TRPV1: variants seen among roughly 807,000 people sequenced by gnomAD.
TRPV1 encodes the protein transient receptor potential cation channel subfamily V member 1, also known as OTRPC1.
In TRPV1, 82 loss-of-function variants were observed where a neutral mutation model predicts 82.3. That is an observed-to-expected ratio of 1.00 (90% CI 0.83 to 1.20). The LOEUF is 1.20. TRPV1 is among the 50% of genes most tolerant of loss of function. TRPV1 has a pLI of 0.00. For synonymous variants in TRPV1, 515 were observed against 467.7 expected (o/e 1.10, Z -1.30); for missense variants, 1,067 against 1,096.8 (o/e 0.97, Z 0.38).
intron 16 of TRPV1, among the ~76,000 whole-genome samples, chr17:3,568,139 G>A (rs1364861938): frequency 4.6e-5 from 7 of 152,178 alleles, no homozygotes; most frequent in South Asian, 4.1e-4. Flanking sequence ...TGGCTAACAT[G>A]GTGAAACCCC....
At chr17:3,570,312 G>A (rs2074835726) in intron 16 of TRPV1, among the ~76,000 whole-genome samples, 1 of 150,946 alleles carries the variant, frequency 6.6e-6, no homozygotes, top group Non-Finnish European at 1.5e-5. Context: ...GGAGGGTGCA[G>A]TAAACCCAGA....
Position 3,573,884 on chromosome 17 carries a change from C to T in TRPV1, c.1852G>A (p.Gly618Arg), listed in dbSNP as rs745776838. The change falls in exon 14 of 17, where the codon GGG becomes AGG. Residue 618 changes from glycine to arginine, a missense_variant. Transcript: ENST00000572705. Reference protein sequence around the residue: ...PSESTSHRWRGPACRPPDSSY... With the variant: ...PSESTSHRWRRPACRPPDSSY... ...CTATCGGGGGGCCTGCAGGCAGGCC[C>T]CCGCCACCTGTGCGACGTGGACTCA... The T allele has an allele frequency of 1.2e-6, 2 of 1,608,618 alleles. No individual in the cohort carries two copies. Among genetic ancestry groups the T allele is most frequent in the Admixed American group, 3.4e-5 (2 of 59,006 alleles).
chr17:3,570,647 C>T (rs1445323398), intron 16 of TRPV1, among the ~76,000 whole-genome samples: 1 of 152,094 alleles, frequency 6.6e-6, no homozygotes, highest in Non-Finnish European at 1.5e-5. Context: ...TTAATGTTTT[C>T]TATTAAATGT....
rs1001457406 is a variant in TRPV1 at position 3,590,489 on chromosome 17, C to T, written c.605-97G>A. ...GGCTCTGGGCAGGCAGCAGCTGCTG[C>T]AGGAGGAACTGGGCAGAAAGTGCCT... On this transcript the variant is annotated intron_variant, in intron 5 of 16. Transcript: ENST00000572705. 11 of 1,519,968 alleles carry T rather than the reference C, an allele frequency of 7.2e-6. No homozygotes were observed. The Admixed American group carries it at 2.4e-4, about 33-fold the overall frequency. 94.2% of individuals were successfully genotyped at this position (1,519,968 alleles called of 1,614,324 possible).
chr17:3,573,615 C>G lies in TRPV1; in HGVS notation c.2103+18G>C, dbSNP rs113287435. 3.1e-6 allele frequency: 5 copies of G among 1,604,166 alleles called. No individual in the cohort carries two copies. The highest frequency in any genetic ancestry group is 4.3e-6 in the Non-Finnish European group (5 of 1,176,336). On this transcript the variant is annotated intron_variant, in intron 14 of 16. Coordinates refer to ENST00000572705, the MANE Select transcript of TRPV1 (RefSeq NM_080704.4). ...CACTCTCCGCGCCACTCACCACCCC[C>G]CAACTCCACCCACCCACCTGCAGCT...
intron 2 of TRPV1, among the ~76,000 whole-genome samples, chr17:3,596,223 A>G (rs1221601735): frequency 6.6e-6 from 1 of 152,088 alleles, no homozygotes; most frequent in Non-Finnish European, 1.5e-5. Context: ...CTCTGGGGGA[A>G]GGATCCCTTC....
intron 10 of TRPV1, among the ~76,000 whole-genome samples, chr17:3,580,935 C>T (rs2075001516): frequency 6.6e-6 from 1 of 151,622 alleles, no homozygotes; most frequent in Admixed American, 6.6e-5. Flanking sequence ...AAGAAAATCG[C>T]TTGAACCCAG....
At chr17:3,582,189 C>CA (rs71153376) in intron 10 of TRPV1, among the ~76,000 whole-genome samples, 16,248 of 25,872 alleles carry the variant, frequency 0.63, 5,857 homozygotes, top group African/African-American at 0.76. Context: ...GACTCCATCT[C>CA]AAAAAAAAAA....
At chr17:3,576,668 A>AAAAAAAAAAAAAAATATATATAT in intron 13 of TRPV1, among the ~76,000 whole-genome samples, 93 of 38,302 alleles carry the variant, frequency 2.4e-3, no homozygotes, top group Non-Finnish European at 4.4e-3. Flanking sequence ...AAAAAAAAAA[A>AAAAAAAAAAAAAAATATATATAT]ATATATATAT....
In TRPV1 at chr17:3,583,365, T is replaced by A; in HGVS notation, c.1449A>T (p.Leu483Phe). ...CTCGGAAAAAGAAGTAGACTCCTCCTAACACAGACAGGATCTCTCCAGTAA... is the reference window on the plus strand; with the variant it reads ...CTCGGAAAAAGAAGTAGACTCCTCCAAACACAGACAGGATCTCTCCAGTAA... The part of the protein sequence containing the change: ...FRVTGEILSV[L>F]GGVYFFFRGI... The change falls in exon 10 of 17, where the codon TTA (leucine) becomes TTT (phenylalanine). Residue 483 changes from leucine (L) to phenylalanine (F), a missense_variant. Transcript: ENST00000572705. The A allele has an allele frequency of 1.2e-6, 2 of 1,610,418 alleles. No homozygotes were observed. The highest frequency in any genetic ancestry group is 1.7e-6 in the Non-Finnish European group (2 of 1,178,300).
In TRPV1 at chr17:3,572,182, C is replaced by T. The variant is rs975583001; in HGVS notation, c.2171G>A (p.Gly724Asp). 4.3e-6 allele frequency: 7 copies of T among 1,613,368 alleles called. No individual in the cohort carries two copies. The South Asian group carries it at 5.5e-5, about 13-fold the overall frequency. The change falls in exon 15 of 17, where the codon GGC becomes GAC. Residue 724 changes from glycine (G) to aspartate (D), a missense_variant. Gly to Asp is a moderately conservative substitution (Grantham distance 94). Transcript: ENST00000572705. ...LKCMRKAFRS[G>D]KLLQVGYTPD... ...TGTGTACCCCACCTGCAGCAGCTTGCCTGAGCGGAAGGCCTTCCTCATGCA... is the reference window on the plus strand; with the variant it reads ...TGTGTACCCCACCTGCAGCAGCTTGTCTGAGCGGAAGGCCTTCCTCATGCA...
intron 7 of TRPV1, chr17:3,589,059 A>G (rs161388): frequency 0.97 from 1,167,197 of 1,198,776 alleles, 569,998 homozygotes; most frequent in Non-Finnish European, 0.99. Context: ...GCTGAGGTGG[A>G]AGGATCACTT....
chr17:3,603,859 G>C (rs976248840), intron 2 of TRPV1, among the ~76,000 whole-genome samples: 1 of 152,196 alleles, frequency 6.6e-6, no homozygotes, highest in African/African-American at 2.4e-5. Flanking sequence ...GGCCAGGTGA[G>C]ACCCTCTCTC....
Position 3,579,622 on chromosome 17 carries a change from C to T in TRPV1, c.1547+835G>A, listed in dbSNP as rs1225060240. Among the ~76,000 whole-genome samples, 5 of 152,072 alleles carry T rather than the reference C, an allele frequency of 3.3e-5. 1 individual carries two copies. The highest frequency in any genetic ancestry group is 3.3e-4 in the Admixed American group (5 of 15,272). ...TCCCGAGTAGCTGGGATTACAGGTG[C>T]GTGCCACCATGCCTGCCTAATTTTT... On this transcript the variant is annotated intron_variant, in intron 11 of 16. Coordinates refer to ENST00000572705, the MANE Select transcript of TRPV1 (RefSeq NM_080704.4).
intron 2 of TRPV1, among the ~76,000 whole-genome samples, chr17:3,594,885 C>T (rs1259910806): frequency 6.6e-6 from 1 of 152,096 alleles, no homozygotes; most frequent in Non-Finnish European, 1.5e-5. Context: ...GGGCTAGGGT[C>T]TGGAGACAGA....
intron 11 of TRPV1, among the ~76,000 whole-genome samples, chr17:3,579,236 T>C (rs183399609): frequency 1.1e-4 from 17 of 152,178 alleles, no homozygotes; most frequent in Non-Finnish European, 2.4e-4. Context: ...AAGCTAATTC[T>C]AGTTTTACTT....
chr17:3,585,739 G>A (rs201619440), intron 9 of TRPV1, 29 bp downstream of exon 9: 49 of 1,602,994 alleles, frequency 3.1e-5, no homozygotes, highest in African/African-American at 5.4e-5. Context: ...CCACACCCTC[G>A]CCCACGAGGC....
intron 2 of TRPV1, among the ~76,000 whole-genome samples, chr17:3,598,563 C>CTTTT (rs57290148): frequency 2.6e-5 from 3 of 116,794 alleles, no homozygotes. Context: ...CGCTTAGTCA[C>CTTTT]TTTTTTTTTT....
intron 16 of TRPV1, among the ~76,000 whole-genome samples, chr17:3,570,587 A>G (rs1372247743): frequency 6.6e-6 from 1 of 152,248 alleles, no homozygotes; most frequent in African/African-American, 2.4e-5. Context: ...TGTCCACTAT[A>G]AACTATGCCT....
Sources: allele counts gnomAD v4.1 joint callset (sites outside exome capture counted in the v4.1 genomes callset), GRCh38; gene constraint gnomAD v4.1.1; transcripts MANE v1.5; gene names NCBI Gene and HGNC (gene_info 2026-07-23, HGNC 2026-07-21).